Variants in B4GALNT3 observed in about 807,000 individuals in gnomAD.
B4GALNT3 encodes the protein beta-1,4-N-acetyl-galactosaminyltransferase 3.
A neutral mutation model predicts 120.2 loss-of-function variants in B4GALNT3; 86 were observed. The ratio of observed to expected loss-of-function variants is 0.72; its 90% CI spans 0.60 to 0.86. The LOEUF (loss-of-function observed/expected upper bound fraction) is 0.86, where lower values mean the gene tolerates loss of function less well. Ranked by LOEUF, B4GALNT3 falls within the 40% of genes least tolerant of loss-of-function variation. The probability of loss-of-function intolerance (pLI) is 0.00; values close to 1 mark genes in which losing one functional copy is unlikely to be tolerated. For missense variants in B4GALNT3, 1,167 were observed against 1,298.9 expected (o/e 0.90, Z 1.56); for synonymous variants, 518 against 510.4 (o/e 1.01, Z -0.20).
At chr12:467,959 G>A (rs1946098037) in intron 1 of B4GALNT3, among the ~76,000 whole-genome samples, 1 of 151,912 alleles carries the variant, frequency 6.6e-6, no homozygotes, top group South Asian at 2.1e-4. Flanking sequence ...GAAGCTTTAG[G>A]GTTCAGTTTT....
chr12:515,181 T>G (rs1390740173), intron 1 of B4GALNT3, among the ~76,000 whole-genome samples: 1 of 151,078 alleles, frequency 6.6e-6, no homozygotes, highest in African/African-American at 2.5e-5. Flanking sequence ...GGGGTTTTTT[T>G]GTTGTTGTCG....
In B4GALNT3 at chr12:505,183, C is replaced by T. The variant is rs148904858; in HGVS notation, c.170-29983C>T. ...CTGGGAGTACAGGCGTGAACCACCA[C>T]GCCTGGCCTCACCAGAGGTTTTAAC... On this transcript the variant is annotated intron_variant, in intron 1 of 19. Transcript: ENST00000266383. Among the ~76,000 whole-genome samples the T allele has an allele frequency of 3.2e-4, 48 of 152,328 alleles. 1 individual carries two copies. The East Asian group carries it at 8.1e-3, about 26-fold the overall frequency.
At chr12:511,152 C>G (rs1429614698) in intron 1 of B4GALNT3, among the ~76,000 whole-genome samples, 1 of 150,520 alleles carries the variant, frequency 6.6e-6, no homozygotes, top group African/African-American at 2.4e-5. Flanking sequence ...ACCTCTGCCT[C>G]CTGAGCAGCT....
rs1389596015 is a variant in B4GALNT3 at position 460,850 on chromosome 12, G to T, written c.169+305G>T. Among the ~76,000 whole-genome samples, 1 of 152,072 alleles carries T rather than the reference G, an allele frequency of 6.6e-6. No individual in the cohort carries two copies. Among genetic ancestry groups the T allele is most frequent in the Admixed American group, 6.5e-5 (1 of 15,282 alleles). On this transcript the variant is annotated intron_variant, in intron 1 of 19. Coordinates refer to ENST00000266383, the MANE Select transcript of B4GALNT3 (RefSeq NM_173593.4). This position sits in a 1 kb window ranked among gnomAD's most constrained non-coding sequence, Gnocchi z 8.0. Reference sequence around the variant, plus strand: ...AGAGGCTCCCCGCCCGTCCCGCCGAGACGCTGGCGGAGACCGGGCCCCTCC... The same window carrying T: ...AGAGGCTCCCCGCCCGTCCCGCCGATACGCTGGCGGAGACCGGGCCCCTCC...
intron 6 of B4GALNT3, 46 bp from the exon 7 acceptor site, chr12:546,600 C>T (rs1247194628): frequency 1.3e-6 from 2 of 1,521,774 alleles, no homozygotes; most frequent in African/African-American, 2.8e-5. Flanking sequence ...CGCGTGCTTC[C>T]TGTTTTCTCT....
intron 1 of B4GALNT3, among the ~76,000 whole-genome samples, chr12:520,739 C>T (rs904587444): frequency 2.0e-4 from 23 of 117,040 alleles, no homozygotes; most frequent in Admixed American, 1.3e-3. Flanking sequence ...TGCACTGAGC[C>T]GAGATCGTGC....
Position 548,551 on chromosome 12 carries a change from A to C in B4GALNT3, c.853+254A>C, listed in dbSNP as rs1431783397. 6.6e-6 allele frequency among the ~76,000 whole-genome samples: 1 copy of C among 152,072 alleles called. No individual in the cohort carries two copies. Among genetic ancestry groups the C allele is most frequent in the Admixed American group, 6.6e-5 (1 of 15,264 alleles). ...CTCAGAAAAATGCCCTTGTCTACCC[A>C]CCCACACACAACATTTTGAATACAA... On this transcript the variant is annotated intron_variant, in intron 9 of 19. Coordinates refer to ENST00000266383, the MANE Select transcript of B4GALNT3 (RefSeq NM_173593.4). The surrounding 1 kb of genome is among the most constrained non-coding windows in gnomAD (Gnocchi z 4.9).
chr12:472,791 C>T (rs902372736), intron 1 of B4GALNT3, among the ~76,000 whole-genome samples: 5 of 152,132 alleles, frequency 3.3e-5, no homozygotes, highest in Middle Eastern at 6.8e-3. Context: ...ACTATGTTGC[C>T]TAGGCTGGTT....
chr12:482,051 C>T (rs1238393822), intron 1 of B4GALNT3, among the ~76,000 whole-genome samples: 1 of 152,136 alleles, frequency 6.6e-6, no homozygotes, highest in Non-Finnish European at 1.5e-5. Context: ...TCCCACTCAA[C>T]CCCGAGCCAA....
chr12:473,905 A>G (rs1393720685), intron 1 of B4GALNT3, among the ~76,000 whole-genome samples: 5 of 152,206 alleles, frequency 3.3e-5, no homozygotes, highest in Non-Finnish European at 7.3e-5. Flanking sequence ...ATAATCGCAC[A>G]AAGGGACTAG....
At chr12:500,884 T>TTTTTTTTTTTTC in intron 1 of B4GALNT3, among the ~76,000 whole-genome samples, 1 of 144,500 alleles carries the variant, frequency 6.9e-6, no homozygotes, top group Non-Finnish European at 1.5e-5. Flanking sequence ...TTTTTTTTTT[T>TTTTTTTTTTTTC]TGACACAGGG....
intron 3 of B4GALNT3, among the ~76,000 whole-genome samples, chr12:541,552 G>A (rs1946915700): frequency 6.6e-6 from 1 of 152,138 alleles, no homozygotes. Context: ...GGACGGGGTG[G>A]TTCTCATCCC....
rs1946006059 is a variant in B4GALNT3 at position 460,222 on chromosome 12, G to A, written c.-155G>A. On this transcript the variant is annotated 5_prime_UTR_variant, in exon 1 of 20. Transcript: ENST00000266383. The surrounding 1 kb of genome is among the most constrained non-coding windows in gnomAD (Gnocchi z 8.0). The stretch of plus-strand genomic sequence containing the variant: ...CCCCTCGCGCCCGGAGCATGAGCCC[G>A]AGCCCCGCCGGAGAGCGGCCGGGAG... 2 of 525,814 alleles carry A rather than the reference G, an allele frequency of 3.8e-6. No individual in the cohort carries two copies. The highest frequency in any genetic ancestry group is 2.1e-5 in the African/African-American group (1 of 48,228). 32.6% of individuals were successfully genotyped at this position (525,814 alleles called of 1,614,324 possible).
intron 1 of B4GALNT3, among the ~76,000 whole-genome samples, chr12:529,114 C>G (rs1248484891): frequency 6.6e-6 from 1 of 152,184 alleles, no homozygotes; most frequent in African/African-American, 2.4e-5. Flanking sequence ...CGTCCTTCCC[C>G]TCTTGCATAC....
At chr12:480,382 C>T (rs1946227405) in intron 1 of B4GALNT3, among the ~76,000 whole-genome samples, 1 of 19,226 alleles carries the variant, frequency 5.2e-5, no homozygotes, top group Admixed American at 9.4e-4. Flanking sequence ...CAGGTCAGCT[C>T]TGCCCCCGGA....
intron 19 of B4GALNT3, 55 bp from the exon 20 acceptor site, chr12:561,287 GC>G (rs1157394537): frequency 3.6e-5 from 51 of 1,409,378 alleles, no homozygotes; most frequent in Non-Finnish European, 5.0e-5. Flanking sequence ...ATGGGGAGGG[GC>G]CCCCCAGCTG....
chr12:543,401 CT>C (rs1284851594), intron 3 of B4GALNT3, among the ~76,000 whole-genome samples: 37 of 148,380 alleles, frequency 2.5e-4, no homozygotes, highest in African/African-American at 8.5e-4. Flanking sequence ...AGCTGAGGAG[CT>C]GGGGCGGGCA....
At position 487,791 on chromosome 12, in the gene B4GALNT3, CA is replaced by C. The variant is rs1399192598; in HGVS notation, c.169+27255del. 6.7e-4 allele frequency among the ~76,000 whole-genome samples: 100 copies of C among 150,120 alleles called. 1 individual carries two copies. The East Asian group carries it at 0.019, about 28-fold the overall frequency. On this transcript the variant is annotated intron_variant, in intron 1 of 19. Coordinates refer to ENST00000266383, the MANE Select transcript of B4GALNT3 (RefSeq NM_173593.4). ...AAACATAGTAAAACCTTGTCTCTAC[CA>C]AAAAAAAATTTTAAAATTAGCCAGG...
At chr12:534,567 A>T (rs1232822672) in intron 1 of B4GALNT3, among the ~76,000 whole-genome samples, 1 of 152,164 alleles carries the variant, frequency 6.6e-6, no homozygotes. Context: ...AGACAGCGTC[A>T]GCCACACGCA....
Sources: allele counts gnomAD v4.1 joint callset (sites outside exome capture counted in the v4.1 genomes callset), GRCh38; gene constraint gnomAD v4.1.1; non-coding constraint Gnocchi (gnomAD v3.1); transcripts MANE v1.5; gene names NCBI Gene and HGNC (gene_info 2026-07-23, HGNC 2026-07-21).